The following TCAP variants were observed in gnomAD, a reference collection of about 807,000 sequenced individuals.
TCAP encodes the protein telethonin.
In TCAP, 14 loss-of-function variants were observed where a neutral mutation model predicts 16.6. The observed-to-expected ratio is 0.84, with a 90% confidence interval of 0.56 to 1.32. The LOEUF (loss-of-function observed/expected upper bound fraction) is 1.32, where lower values mean the gene tolerates loss of function less well. Ranked by LOEUF, TCAP falls within the 40% of genes most tolerant of loss-of-function variation. The probability of loss-of-function intolerance (pLI) is 0.00; values close to 1 mark genes in which losing one functional copy is unlikely to be tolerated. For missense variants in TCAP, 212 were observed against 223.5 expected, an observed-to-expected ratio of 0.95 and a Z score of 0.33; for synonymous variants, 97 against 93.2, an observed-to-expected ratio of 1.04 and a Z score of -0.23.
At position 39,665,774 on chromosome 17, in the gene TCAP, T is replaced by C. The variant is rs886042772; in HGVS notation, c.169T>C (p.Cys57Arg). 4 of 1,609,762 alleles carry C rather than the reference T, an allele frequency of 2.5e-6. No homozygotes were observed. Among genetic ancestry groups the C allele is most frequent in the Non-Finnish European group, 3.4e-6 (4 of 1,178,490 alleles). The part of the protein sequence containing the change: ...RHETYHQQGQ[C>R]QVLVQRSPWL... ...TGAGACCTACCACCAGCAGGGGCAGTGCCAGGTGCTGGTGCAGCGCTCGCC... is the reference window on the plus strand; with the variant it reads ...TGAGACCTACCACCAGCAGGGGCAGCGCCAGGTGCTGGTGCAGCGCTCGCC... Residue 57 changes from cysteine (C) to arginine (R), a missense_variant, in exon 2 of 2, where the codon TGC becomes CGC. Cys to Arg is a radical substitution (Grantham distance 180). Transcript: ENST00000309889.
rs1597805257 is a variant in TCAP, at chr17:39,665,493, C to T, written c.110+24C>T. 2.5e-6 allele frequency: 4 copies of T among 1,598,672 alleles called. No individual in the cohort carries two copies. The African/African-American group carries it at 4.0e-5, about 16-fold the overall frequency. ...GGGTGAGTGTGGGTCTGCTAGAGCC[C>T]TGCCTCTGCTCCCCCAGAGCACCCT... On this transcript the variant is annotated intron_variant, in intron 1 of 1. Coordinates refer to ENST00000309889, the MANE Select transcript of TCAP (RefSeq NM_003673.4).
chr17:39,665,569 G>T (rs2057248445), intron 1 of TCAP, 100 bp downstream of exon 1: 2 of 1,435,464 alleles, frequency 1.4e-6, no homozygotes, highest in Non-Finnish European at 9.7e-7. Context: ...TTCTGGGGGT[G>T]GGGGCAGGAA....
rs2057247849 is a variant in TCAP at position 39,665,477 on chromosome 17, T to C, written c.110+8T>C. The stretch of plus-strand genomic sequence containing the variant: ...CACACGGCCCGAGGAGGGGTGAGTG[T>C]GGGTCTGCTAGAGCCCTGCCTCTGC... On this transcript the variant is annotated splice_region_variant and intron_variant, in intron 1 of 1. Transcript: ENST00000309889. 1 of 1,611,048 alleles carries C rather than the reference T, an allele frequency of 6.2e-7. No homozygotes were observed. The highest frequency in any genetic ancestry group is 8.5e-7 in the Non-Finnish European group (1 of 1,178,324).
In TCAP at chr17:39,665,773, G is replaced by A. The variant is rs1060504769; in HGVS notation, c.168G>A (p.Gln56=). Residue 56 remains glutamine (Q), a synonymous_variant, in exon 2 of 2, where the codon CAG becomes CAA. Transcript: ENST00000309889. ...ATGAGACCTACCACCAGCAGGGGCA[G>A]TGCCAGGTGCTGGTGCAGCGCTCGC... ...QRHETYHQQG[Q]CQVLVQRSPW... 6.2e-7 allele frequency: 1 copy of A among 1,609,906 alleles called. No individual in the cohort carries two copies.
chr17:39,666,169 A>G lies in TCAP; in HGVS notation c.*60A>G. ...CTGGGCTGGGCCCTTCCTGGCTAGG[A>G]CTGTGGAGGGGAGCTGCTGGCCATG... On this transcript the variant is annotated 3_prime_UTR_variant, in exon 2 of 2. Coordinates refer to ENST00000309889, the MANE Select transcript of TCAP (RefSeq NM_003673.4). The G allele has an allele frequency of 6.3e-7, 1 of 1,592,898 alleles. No individual in the cohort carries two copies. The highest frequency in any genetic ancestry group is 8.5e-7 in the Non-Finnish European group (1 of 1,175,368).
intron 1 of TCAP, 68 bp downstream of exon 1, chr17:39,665,537 G>A: frequency 6.5e-7 from 1 of 1,531,892 alleles, no homozygotes. Flanking sequence ...CATGAGGCCA[G>A]AGCATGAAGC....
rs187261074 is a variant in TCAP, at chr17:39,665,905, C to A, written c.300C>A (p.Gly100=). 1.2e-6 allele frequency: 2 copies of A among 1,612,580 alleles called. No homozygotes were observed. The highest frequency in any genetic ancestry group is 1.7e-6 in the Non-Finnish European group (2 of 1,179,866). Residue 100 remains glycine, a synonymous_variant, in exon 2 of 2, where the codon GGC becomes GGA. Coordinates refer to ENST00000309889, the MANE Select transcript of TCAP (RefSeq NM_003673.4). Reference sequence around the variant, plus strand: ...CCATCTTCACCCCTGCCAAGATGGGCGCCACCAAGGAGGAGCGTGAGGACA... The same window carrying A: ...CCATCTTCACCCCTGCCAAGATGGGAGCCACCAAGGAGGAGCGTGAGGACA... The part of the protein sequence containing the change: ...PLPIFTPAKM[G]ATKEEREDTP...
intron 1 of TCAP, 120 bp from the exon 2 acceptor site, chr17:39,665,596 G>C: frequency 7.2e-7 from 1 of 1,390,928 alleles, no homozygotes. Context: ...CCCATGGGGA[G>C]AGCAAAGGGG....
At position 39,665,456 on chromosome 17, in the gene TCAP, C is replaced by G; in HGVS notation, c.97C>G (p.Arg33Gly). Residue 33 changes from arginine to glycine, a missense_variant, in exon 1 of 2, where the codon CGG (arginine) becomes GGG (glycine). Arg to Gly is a moderately radical substitution (Grantham distance 125, BLOSUM62 -2). Coordinates refer to ENST00000309889, the MANE Select transcript of TCAP (RefSeq NM_003673.4). ...AEWKDLTLST[R>G]PEEGCSLHEE... ...ATGGAAGGATCTGACACTGTCCACA[C>G]GGCCCGAGGAGGGGTGAGTGTGGGT... The G allele has an allele frequency of 6.2e-7, 1 of 1,613,312 alleles. No homozygotes were observed. The highest frequency in any genetic ancestry group is 1.1e-5 in the South Asian group (1 of 91,078).
Position 39,666,209 on chromosome 17 carries a change from T to G in TCAP, c.*100T>G. ...TGCTGGCCATGGCTGCTTTGTAGTT[T>G]GCCCAGAGTTGGGGGCTAGGGGAGG... On this transcript the variant is annotated 3_prime_UTR_variant, in exon 2 of 2. Transcript: ENST00000309889. 3.3e-5 allele frequency: 48 copies of G among 1,470,404 alleles called. No individual in the cohort carries two copies. The highest frequency in any genetic ancestry group is 1.4e-4 in the East Asian group (6 of 42,098). 91.1% of individuals were successfully genotyped at this position (1,470,404 alleles called of 1,614,324 possible).
chr17:39,666,280 G>A lies in TCAP; in HGVS notation c.*171G>A. On this transcript the variant is annotated 3_prime_UTR_variant, in exon 2 of 2. Transcript: ENST00000309889. Reference sequence around the variant, plus strand: ...GCCTGAGCCCCCTGAGTTCCCAAAGGGAGGGTGGCAGAGACAGTGGGCACT... The same window carrying A: ...GCCTGAGCCCCCTGAGTTCCCAAAGAGAGGGTGGCAGAGACAGTGGGCACT... The A allele has an allele frequency of 1.1e-6, 1 of 886,950 alleles. No individual in the cohort carries two copies. Among genetic ancestry groups the A allele is most frequent in the East Asian group, 2.6e-5 (1 of 37,742 alleles). 54.9% of individuals were successfully genotyped at this position (886,950 alleles called of 1,614,324 possible).
At chr17:39,665,583 T>G in intron 1 of TCAP, 114 bp downstream of exon 1, 1 of 1,406,356 alleles carries the variant, frequency 7.1e-7, no homozygotes, top group Non-Finnish European at 9.9e-7. Flanking sequence ...GCAGGAAGAA[T>G]GCCCCATGGG....
chr17:39,666,448 CAGA>C lies in TCAP; in HGVS notation c.*345_*347del, dbSNP rs1398337064. The C allele has an allele frequency of 1.5e-5, 6 of 404,898 alleles. No homozygotes were observed. The highest frequency in any genetic ancestry group is 1.4e-3 in the Middle Eastern group (2 of 1,438). 25.1% of individuals were successfully genotyped at this position (404,898 alleles called of 1,614,324 possible). ...TGAGGGGAATCTGGAACGCTCTAGGCAGAAGAAGCTGGGAGGGAGGGGGAGGTG... is the reference window on the plus strand; with the variant it reads ...TGAGGGGAATCTGGAACGCTCTAGGCAGAAGCTGGGAGGGAGGGGGAGGTG... On this transcript the variant is annotated 3_prime_UTR_variant, in exon 2 of 2. Coordinates refer to ENST00000309889, the MANE Select transcript of TCAP (RefSeq NM_003673.4).
In TCAP at chr17:39,666,237, G is replaced by C; in HGVS notation, c.*128G>C. 1.6e-6 allele frequency: 2 copies of C among 1,273,270 alleles called. No homozygotes were observed. Among genetic ancestry groups the C allele is most frequent in the Non-Finnish European group, 2.2e-6 (2 of 907,724 alleles). The allele number at this position is 1,273,270 out of a possible 1,614,324, so 78.9% of individuals were successfully genotyped here. On this transcript the variant is annotated 3_prime_UTR_variant, in exon 2 of 2. Transcript: ENST00000309889. Reference sequence around the variant, plus strand: ...CCAGAGTTGGGGGCTAGGGGAGGGGGGAGCCAGAGGCCAGGATGCCTGAGC... The same window carrying C: ...CCAGAGTTGGGGGCTAGGGGAGGGGCGAGCCAGAGGCCAGGATGCCTGAGC...
In TCAP at chr17:39,666,176, A is replaced by G. The variant is rs1597805933; in HGVS notation, c.*67A>G. ...GGGCCCTTCCTGGCTAGGACTGTGG[A>G]GGGGAGCTGCTGGCCATGGCTGCTT... On this transcript the variant is annotated 3_prime_UTR_variant, in exon 2 of 2. Transcript: ENST00000309889. 1.3e-6 allele frequency: 2 copies of G among 1,564,790 alleles called. No homozygotes were observed. Among genetic ancestry groups the G allele is most frequent in the East Asian group, 4.5e-5 (2 of 44,306 alleles).
intron 1 of TCAP, 75 bp downstream of exon 1, chr17:39,665,544 A>G: frequency 1.3e-6 from 2 of 1,519,030 alleles, no homozygotes. Context: ...CCAGAGCATG[A>G]AGCCCTGGAG....
rs144741021 is a variant in TCAP at position 39,665,446 on chromosome 17, A to G, written c.87A>G (p.Thr29=). 1.7e-5 allele frequency: 28 copies of G among 1,613,462 alleles called. No homozygotes were observed. The East Asian group carries it at 2.7e-4, about 15-fold the overall frequency. ...EAFWAEWKDL[T]LSTRPEEGCS... is the part of the protein sequence containing the mutation. ...TCTGGGCAGAATGGAAGGATCTGAC[A>G]CTGTCCACACGGCCCGAGGAGGGGT... Residue 29 remains threonine, a synonymous_variant, in exon 1 of 2, where the codon ACA becomes ACG. Coordinates refer to ENST00000309889, the MANE Select transcript of TCAP (RefSeq NM_003673.4).
In TCAP at chr17:39,665,434, G is replaced by C; in HGVS notation, c.75G>C (p.Trp25Cys). 6.2e-7 allele frequency: 1 copy of C among 1,613,660 alleles called. No individual in the cohort carries two copies. Among genetic ancestry groups the C allele is most frequent in the Non-Finnish European group, 8.5e-7 (1 of 1,179,946 alleles). Residue 25 changes from tryptophan to cysteine, a missense_variant, in exon 1 of 2, where the codon TGG becomes TGC. Trp to Cys is a radical substitution (Grantham distance 215). Coordinates refer to ENST00000309889, the MANE Select transcript of TCAP (RefSeq NM_003673.4). ...GCCGGGAGGCCTTCTGGGCAGAATG[G>C]AAGGATCTGACACTGTCCACACGGC... ...CERREAFWAE[W>C]KDLTLSTRPE...
rs759893644 is a variant in TCAP, at chr17:39,665,722, C to G, written c.117C>G (p.Ser39=). The change falls in exon 2 of 2, where the codon TCC becomes TCG. Residue 39 remains serine (S), a synonymous_variant. Coordinates refer to ENST00000309889, the MANE Select transcript of TCAP (RefSeq NM_003673.4). ...GCCCCTCCCCTCTCCCCAGCTGCTC[C>G]CTGCATGAGGAGGACACCCAGAGAC... ...TLSTRPEEGC[S]LHEEDTQRHE... 2 of 1,610,128 alleles carry G rather than the reference C, an allele frequency of 1.2e-6. No homozygotes were observed. The highest frequency in any genetic ancestry group is 1.7e-6 in the Non-Finnish European group (2 of 1,178,950).
Sources: gnomAD v4.1 joint callset for allele counts on GRCh38, gnomAD v4.1.1 for gene constraint, MANE v1.5 for transcripts, NCBI Gene and HGNC (gene_info 2026-07-23, HGNC 2026-07-21) for gene names.